Variants in ARID3A observed in about 807,000 individuals in gnomAD.
ARID3A encodes the protein AT-rich interaction domain 3A.
ARID3A carries 11 observed loss-of-function variants against 52.7 expected under a neutral mutation model. That is an observed-to-expected ratio of 0.21 (90% confidence interval 0.13 to 0.35). ARID3A has a LOEUF of 0.35. ARID3A is among the 10% of genes least tolerant of loss of function. The pLI, the probability that ARID3A is intolerant of heterozygous loss-of-function variation, is 1.00. For missense variants in ARID3A, 721 were observed against 838.5 expected (o/e 0.86, Z 1.73); for synonymous variants, 404 against 359.4 (o/e 1.12, Z -1.40).
intron 3 of ARID3A, among the ~76,000 whole-genome samples, chr19:955,831 G>T (rs2037905165): frequency 1.3e-5 from 2 of 152,172 alleles, no homozygotes; most frequent in Admixed American, 6.5e-5. Flanking sequence ...TTAGCCGGGG[G>T]GCTGCGTAAC....
intron 3 of ARID3A, among the ~76,000 whole-genome samples, chr19:948,099 C>G (rs2037725935): frequency 6.6e-6 from 1 of 152,084 alleles, no homozygotes; most frequent in Non-Finnish European, 1.5e-5. Flanking sequence ...CTCCCCCGAC[C>G]CATCAGTCCA....
chr19:968,708 G>A (rs770264610), intron 8 of ARID3A: 2 of 526,648 alleles, frequency 3.8e-6, no homozygotes, highest in Non-Finnish European at 6.8e-6. Context: ...CCCAGAGGGG[G>A]TCGTCCACAG....
chr19:940,301 A>C (rs2037521054), intron 3 of ARID3A, among the ~76,000 whole-genome samples: 1 of 152,120 alleles, frequency 6.6e-6, no homozygotes, highest in Non-Finnish European at 1.5e-5. Context: ...ATGAGCCAAA[A>C]AAAATTGCAA....
Position 960,015 on chromosome 19 carries a change from C to G in ARID3A, c.694-77C>G. ...CCCTGCTCCTGTCCTCCTGACCTGG[C>G]CTCCAGTGCAGGAGGGACATGGTTC... On this transcript the variant is annotated intron_variant, in intron 3 of 8. Transcript: ENST00000263620. The surrounding 1 kb of genome is among the most constrained non-coding windows in gnomAD (Gnocchi z 4.3). 7.6e-7 allele frequency: 1 copy of G among 1,316,990 alleles called. No individual in the cohort carries two copies. Among genetic ancestry groups the G allele is most frequent in the Middle Eastern group, 1.9e-4 (1 of 5,366 alleles). The allele number at this position is 1,316,990 out of a possible 1,614,324, so 81.6% of individuals were successfully genotyped here. A position where few individuals can be genotyped will look rare whatever the true frequency, so the allele number is the denominator to read the frequency against.
rs2037988425 is a variant in ARID3A, at chr19:959,183, C to T, written c.694-909C>T. ...GAGGCTGGAGCGACGCGGCCACAAG[C>T]CCAGGAACCTGGAGCCCCCAGAAGC... On this transcript the variant is annotated intron_variant, in intron 3 of 8. Coordinates refer to ENST00000263620, the MANE Select transcript of ARID3A (RefSeq NM_005224.3). The surrounding 1 kb of genome is among the most constrained non-coding windows in gnomAD (Gnocchi z 5.0). 6.6e-6 allele frequency among the ~76,000 whole-genome samples: 1 copy of T among 152,232 alleles called. No homozygotes were observed. Among genetic ancestry groups the T allele is most frequent in the Non-Finnish European group, 1.5e-5 (1 of 68,042 alleles).
At chr19:939,644 G>C (rs1471700363) in intron 3 of ARID3A, among the ~76,000 whole-genome samples, 1 of 152,056 alleles carries the variant, frequency 6.6e-6, no homozygotes, top group Non-Finnish European at 1.5e-5. Flanking sequence ...CGCTGCCTTC[G>C]AGGAGCTGTT....
chr19:932,522 G>A lies in ARID3A; in HGVS notation c.473G>A (p.Gly158Glu). 1.3e-6 allele frequency: 2 copies of A among 1,533,662 alleles called. No homozygotes were observed. Among genetic ancestry groups the A allele is most frequent in the South Asian group, 2.4e-5 (2 of 82,714 alleles). The change falls in exon 3 of 9, where the codon GGG becomes GAG. Residue 158 changes from glycine to glutamate, a missense_variant. Transcript: ENST00000263620. ...GAGGAGGAGGAGGAGGACGAGGAGG[G>A]GCTGGGCCCCCCAGGCCCTGCCAGC... The part of the protein sequence containing the change: ...EDEEEEEDEE[G>E]LGPPGPASLG...
In ARID3A at chr19:972,360, A is replaced by G. The variant is rs1015363183; in HGVS notation, c.*295A>G. The G allele has an allele frequency of 6.5e-5, 14 of 215,524 alleles. No homozygotes were observed. Among genetic ancestry groups the G allele is most frequent in the African/African-American group, 3.2e-4 (14 of 44,162 alleles). The allele number at this position is 215,524 out of a possible 1,614,324, so 13.4% of individuals were successfully genotyped here. Reference sequence around the variant, plus strand: ...AATTGTGAGAACAGCAAAGAAATCCATCAGAAAAACAGAAAGAGGCAGACG... The same window carrying G: ...AATTGTGAGAACAGCAAAGAAATCCGTCAGAAAAACAGAAAGAGGCAGACG... On this transcript the variant is annotated 3_prime_UTR_variant, in exon 9 of 9. Transcript: ENST00000263620.
chr19:940,091 C>T (rs2037515400), intron 3 of ARID3A, among the ~76,000 whole-genome samples: 1 of 151,878 alleles, frequency 6.6e-6, no homozygotes, highest in South Asian at 2.1e-4. Context: ...GAGGAAGGGG[C>T]ATTGGGGCTG....
intron 7 of ARID3A, among the ~76,000 whole-genome samples, chr19:967,544 G>T (rs1364059625): frequency 6.6e-6 from 1 of 152,162 alleles, no homozygotes; most frequent in Non-Finnish European, 1.5e-5. Context: ...GGGTGACAGA[G>T]CAAGACCTGG....
chr19:964,209 C>A lies in ARID3A; in HGVS notation c.767-39C>A, dbSNP rs1248319818. ...CAGGACACTCGGCTCCCTGCAGTGC[C>A]CAGGTGGCCCCCAACCTCCCTCTCG... On this transcript the variant is annotated intron_variant, in intron 4 of 8. Transcript: ENST00000263620. This position sits in a 1 kb window ranked among gnomAD's most constrained non-coding sequence, Gnocchi z 5.7. 2 of 1,566,004 alleles carry A rather than the reference C, an allele frequency of 1.3e-6. No homozygotes were observed. The highest frequency in any genetic ancestry group is 1.2e-5 in the South Asian group (1 of 86,824).
In ARID3A at chr19:972,706, G is replaced by GA. The variant is rs1446035986; in HGVS notation, c.*642dup. Reference sequence around the variant, plus strand: ...AAATATTCTATTTTATTCTTGGGGGGATCAAACCTTAGGAAAAGGATATCT... The same window carrying GA: ...AAATATTCTATTTTATTCTTGGGGGGAATCAAACCTTAGGAAAAGGATATCT... On this transcript the variant is annotated 3_prime_UTR_variant, in exon 9 of 9. Transcript: ENST00000263620. 1.0e-5 allele frequency: 2 copies of GA among 195,768 alleles called. No individual in the cohort carries two copies. The highest frequency in any genetic ancestry group is 5.1e-5 in the African/African-American group (2 of 39,568). The allele number at this position is 195,768 out of a possible 1,614,324, so 12.1% of individuals were successfully genotyped here.
intron 2 of ARID3A, among the ~76,000 whole-genome samples, chr19:931,174 GT>G (rs1351203587): frequency 6.6e-6 from 1 of 152,010 alleles, no homozygotes; most frequent in Admixed American, 6.6e-5. Context: ...TGCATCTGTG[GT>G]CCCAGCTACT....
intron 3 of ARID3A, among the ~76,000 whole-genome samples, chr19:934,588 G>A (rs1273274754): frequency 2.0e-5 from 3 of 152,178 alleles, no homozygotes; most frequent in African/African-American, 4.8e-5. Context: ...CTGCCGCCCC[G>A]CACCTGCCCC....
rs11882647 is a variant in ARID3A at position 958,754 on chromosome 19, G to A, written c.694-1338G>A. 2.6e-5 allele frequency among the ~76,000 whole-genome samples: 4 copies of A among 152,098 alleles called. No individual in the cohort carries two copies. The South Asian group carries it at 6.2e-4, about 24-fold the overall frequency. On this transcript the variant is annotated intron_variant, in intron 3 of 8. Transcript: ENST00000263620. The stretch of plus-strand genomic sequence containing the variant: ...TAAAAATACAAAAAATTATCCGGGC[G>A]TGGTGGCGGGCGCCTGTAGTCCCAG...
intron 1 of ARID3A, among the ~76,000 whole-genome samples, chr19:927,887 A>ACCCACCTGCCC (rs1406092876): frequency 1.3e-5 from 2 of 150,486 alleles, no homozygotes; most frequent in African/African-American, 4.9e-5. Context: ...CCCAGGGGCC[A>ACCCACCTGCCC]CCCACCTGCC....
chr19:971,728 A>C (rs773107067), intron 8 of ARID3A, 150 bp from the exon 9 acceptor site: 7 of 1,002,706 alleles, frequency 7.0e-6, no homozygotes, highest in Non-Finnish European at 9.8e-6. Flanking sequence ...TTGAGGCTGC[A>C]GTGAGCTCTG....
chr19:952,113 C>T (rs1173685818), intron 3 of ARID3A, among the ~76,000 whole-genome samples: 1 of 152,018 alleles, frequency 6.6e-6, no homozygotes, highest in Non-Finnish European at 1.5e-5. Flanking sequence ...TGTACTCCAG[C>T]CTGAGCGACA....
intron 6 of ARID3A, among the ~76,000 whole-genome samples, chr19:965,450 C>T (rs1315128593): frequency 6.6e-6 from 1 of 151,768 alleles, no homozygotes; most frequent in Non-Finnish European, 1.5e-5. Context: ...GTACCAACAG[C>T]ACACACAGCA....
Sources: allele counts gnomAD v4.1 joint callset (sites outside exome capture counted in the v4.1 genomes callset), GRCh38; gene constraint gnomAD v4.1.1; non-coding constraint Gnocchi (gnomAD v3.1); transcripts MANE v1.5; gene names NCBI Gene and HGNC (gene_info 2026-07-23, HGNC 2026-07-21).